The following RPRD2 variants were observed in gnomAD, a reference collection of about 807,000 sequenced individuals.
RPRD2 encodes the protein regulation of nuclear pre-mRNA domain containing 2.
In RPRD2, 12 loss-of-function variants were observed where a neutral mutation model predicts 104.4. That is an observed-to-expected ratio of 0.11 (90% CI 0.07 to 0.19). RPRD2 has a LOEUF of 0.19. RPRD2 is among the 10% of genes least tolerant of loss of function. The pLI is 1.00. For synonymous variants in RPRD2, 714 were observed against 684.9 expected (o/e 1.04, Z -0.66); for missense variants, 1,543 against 1,790.1 (o/e 0.86, Z 2.49).
At chr1:150,466,997 T>C (rs1321181223) in intron 10 of RPRD2, among the ~76,000 whole-genome samples, 1 of 152,184 alleles carries the variant, frequency 6.6e-6, no homozygotes, top group African/African-American at 2.4e-5. Context: ...CTACTGCCTC[T>C]AGTGAGTAGA....
At chr1:150,426,614 A>G (rs1330125758) in intron 2 of RPRD2, among the ~76,000 whole-genome samples, 3 of 152,174 alleles carry the variant, frequency 2.0e-5, no homozygotes, top group Non-Finnish European at 4.4e-5. Flanking sequence ...AAATAAGAGC[A>G]GAAACTAATT....
chr1:150,384,257 A>G (rs890730410), intron 1 of RPRD2, among the ~76,000 whole-genome samples: 14 of 152,100 alleles, frequency 9.2e-5, no homozygotes, highest in African/African-American at 1.7e-4. Flanking sequence ...GGGAGTACCA[A>G]TTTATATTTG....
At chr1:150,418,845 C>T (rs587614226) in intron 2 of RPRD2, among the ~76,000 whole-genome samples, 1 of 152,200 alleles carries the variant, frequency 6.6e-6, no homozygotes. Context: ...CCTGTCTCTA[C>T]TAAAAAATAC....
chr1:150,389,164 G>T (rs978552815), intron 1 of RPRD2, among the ~76,000 whole-genome samples: 16 of 152,196 alleles, frequency 1.1e-4, no homozygotes, highest in African/African-American at 3.6e-4. Context: ...AGACTCCCGA[G>T]TAGCTGGGGC....
intron 2 of RPRD2, among the ~76,000 whole-genome samples, chr1:150,439,626 G>GCT (rs1387472333): frequency 2.8e-5 from 3 of 106,350 alleles, no homozygotes; most frequent in Non-Finnish European, 2.0e-5. Context: ...GTTTGACATA[G>GCT]CTTTTTTTTT....
At chr1:150,423,687 A>G (rs1004695921) in intron 2 of RPRD2, among the ~76,000 whole-genome samples, 4 of 152,094 alleles carry the variant, frequency 2.6e-5, no homozygotes, top group Admixed American at 6.5e-5. Flanking sequence ...CTTTTTGAGC[A>G]CCAACATGAT....
chr1:150,474,177 T>C lies in RPRD2; in HGVS notation c.*843T>C, dbSNP rs1668774494. ...ATCTCCCTCAGTTTTTCTTCTGCTGTGGCCAGAAAGACAGTCACTACAGTT... is the reference window on the plus strand; with the variant it reads ...ATCTCCCTCAGTTTTTCTTCTGCTGCGGCCAGAAAGACAGTCACTACAGTT... On this transcript the variant is annotated 3_prime_UTR_variant, in exon 11 of 11. Transcript: ENST00000369068. The C allele has an allele frequency of 6.6e-6, 1 of 152,208 alleles. No individual in the cohort carries two copies. Among genetic ancestry groups the C allele is most frequent in the South Asian group, 2.1e-4 (1 of 4,832 alleles). The allele number at this position is 152,208 out of a possible 1,614,324, so 9.4% of individuals were successfully genotyped here. A position where few individuals can be genotyped will look rare whatever the true frequency, so the allele number is the denominator to read the frequency against.
intron 2 of RPRD2, among the ~76,000 whole-genome samples, chr1:150,433,604 C>T (rs1665767592): frequency 6.7e-6 from 1 of 149,252 alleles, no homozygotes. Flanking sequence ...GCCACAACGC[C>T]CAGCTAATTT....
Position 150,471,839 on chromosome 1 carries a change from A to G in RPRD2, c.2891A>G (p.Asp964Gly). ...HLSLPQKQYP[D>G]SPHPVPHRSL... ...AGTTTGCCACAGAAGCAGTACCCAG[A>G]CTCTCCTCACCCAGTCCCACATCGT... is the stretch of plus-strand genomic sequence containing the variant. The change falls in exon 11 of 11, where the codon GAC (aspartate) becomes GGC (glycine). Residue 964 changes from aspartate (D) to glycine (G), a missense_variant. By Grantham distance (94) the Asp-to-Gly change is moderately conservative. Transcript: ENST00000369068. The surrounding 1 kb of genome is among the most constrained non-coding windows in gnomAD (Gnocchi z 5.3). 6.2e-7 allele frequency: 1 copy of G among 1,613,100 alleles called. No individual in the cohort carries two copies. The highest frequency in any genetic ancestry group is 8.5e-7 in the Non-Finnish European group (1 of 1,179,724).
chr1:150,429,293 T>C (rs1247452594), intron 2 of RPRD2, among the ~76,000 whole-genome samples: 1 of 152,076 alleles, frequency 6.6e-6, no homozygotes, highest in Non-Finnish European at 1.5e-5. Flanking sequence ...GGTTTCTCCA[T>C]GTTGGTCAGG....
intron 7 of RPRD2, among the ~76,000 whole-genome samples, chr1:150,454,835 G>A (rs973721822): frequency 1.3e-5 from 2 of 152,082 alleles, no homozygotes; most frequent in Non-Finnish European, 2.9e-5. Flanking sequence ...GTGATAGAAC[G>A]AGACCCTGTC....
chr1:150,372,791 G>T (rs1553878706), intron 1 of RPRD2, among the ~76,000 whole-genome samples: 1 of 152,220 alleles, frequency 6.6e-6, no homozygotes, highest in East Asian at 1.9e-4. Context: ...AAGTCCTGAG[G>T]TTAGAGTGTG....
At chr1:150,416,203 GAGA>G (rs1480244207) in intron 1 of RPRD2, among the ~76,000 whole-genome samples, 1 of 152,184 alleles carries the variant, frequency 6.6e-6, no homozygotes, top group Non-Finnish European at 1.5e-5. Flanking sequence ...CTGAATTAGG[GAGA>G]AGGACAAGAG....
At chr1:150,419,302 T>A (rs2102282452) in intron 2 of RPRD2, among the ~76,000 whole-genome samples, 1 of 152,290 alleles carries the variant, frequency 6.6e-6, no homozygotes, top group Non-Finnish European at 1.5e-5. Context: ...TTCCTCAGAT[T>A]ATATATTTAT....
chr1:150,392,119 G>C (rs1170026656), intron 1 of RPRD2, among the ~76,000 whole-genome samples: 1 of 151,830 alleles, frequency 6.6e-6, no homozygotes, highest in African/African-American at 2.4e-5. Context: ...CCGGGAGGCG[G>C]AGGTTGCAGT....
At chr1:150,450,689 C>T (rs781847705) in intron 7 of RPRD2, among the ~76,000 whole-genome samples, 2 of 150,804 alleles carry the variant, frequency 1.3e-5, no homozygotes, top group Non-Finnish European at 1.5e-5. Flanking sequence ...GGCGCAATCT[C>T]GGCTCACTGC....
intron 2 of RPRD2, among the ~76,000 whole-genome samples, chr1:150,420,281 AC>A (rs1353846916): frequency 6.6e-6 from 1 of 152,200 alleles, no homozygotes; most frequent in East Asian, 1.9e-4. Flanking sequence ...ATGTTTAAAA[AC>A]AACTACTTTG....
chr1:150,430,103 C>G (rs190250631), intron 2 of RPRD2, among the ~76,000 whole-genome samples: 3 of 152,262 alleles, frequency 2.0e-5, no homozygotes, highest in Non-Finnish European at 4.4e-5. Context: ...TGAAAGATCT[C>G]TGAACACACA....
chr1:150,439,627 C>T (rs1572480256), intron 2 of RPRD2, among the ~76,000 whole-genome samples: 2 of 142,292 alleles, frequency 1.4e-5, no homozygotes, highest in South Asian at 2.2e-4. Context: ...TTTGACATAG[C>T]TTTTTTTTTT....
Sources: gnomAD v4.1 joint callset for allele counts (sites outside exome capture counted in the v4.1 genomes callset) on GRCh38, gnomAD v4.1.1 for gene constraint, Gnocchi (gnomAD v3.1) non-coding constraint, MANE v1.5 for transcripts, NCBI Gene and HGNC (gene_info 2026-07-23, HGNC 2026-07-21) for gene names.